SLC39A10: variants seen among roughly 807,000 people sequenced by gnomAD.
SLC39A10 encodes zinc transporter ZIP10.
In SLC39A10, 13 loss-of-function variants were observed where a neutral mutation model predicts 65.1. The ratio of observed to expected loss-of-function variants is 0.20; its 90% CI spans 0.13 to 0.32. SLC39A10 has a LOEUF of 0.32. SLC39A10 is among the 10% of genes least tolerant of loss of function. The probability of loss-of-function intolerance (pLI) is 1.00; values close to 1 mark genes in which losing one functional copy is unlikely to be tolerated. For missense variants in SLC39A10, 831 were observed against 1,018.4 expected, an observed-to-expected ratio of 0.82 and a Z score of 2.50; for synonymous variants, 321 against 342.2, an observed-to-expected ratio of 0.94 and a Z score of 0.68.
chr2:195,630,230 TGG>T (rs1193459892), intron 2 of SLC39A10, among the ~76,000 whole-genome samples: 1 of 151,634 alleles, frequency 6.6e-6, no homozygotes, highest in Non-Finnish European at 1.5e-5. Flanking sequence ...GCATTCAAGT[TGG>T]GGTTCCCACA....
intron 1 of SLC39A10, among the ~76,000 whole-genome samples, chr2:195,679,187 T>C (rs1465922647): frequency 2.6e-5 from 4 of 152,210 alleles, no homozygotes; most frequent in Non-Finnish European, 5.9e-5. Context: ...CACTTTATCA[T>C]TTTAGCATTT....
At chr2:195,674,630 C>G (rs1300187704) in intron 1 of SLC39A10, 1 of 985,174 alleles carries the variant, frequency 1.0e-6, no homozygotes, top group Non-Finnish European at 1.2e-6. Flanking sequence ...CCCCCATGTT[C>G]TGTGAGTATT....
chr2:195,647,343 G>A (rs1218437218), intron 2 of SLC39A10, among the ~76,000 whole-genome samples: 1 of 151,824 alleles, frequency 6.6e-6, no homozygotes, highest in African/African-American at 2.4e-5. Flanking sequence ...TGCCCTCAGG[G>A]TAGCATTCAG....
At chr2:195,659,617 T>G (rs1689303796) in intron 1 of SLC39A10, among the ~76,000 whole-genome samples, 1 of 152,002 alleles carries the variant, frequency 6.6e-6, no homozygotes, top group East Asian at 1.9e-4. Flanking sequence ...GGCTTTGGAG[T>G]GAAATTTTAA....
intron 1 of SLC39A10, among the ~76,000 whole-genome samples, chr2:195,661,125 A>G (rs1190734321): frequency 1.3e-5 from 2 of 152,212 alleles, no homozygotes; most frequent in African/African-American, 4.8e-5. Context: ...AAGGCAATGA[A>G]CAGATAACAT....
rs561717991 is a variant in SLC39A10 at position 195,631,414 on chromosome 2, T to C, written c.-12+25181T>C. 2.0e-5 allele frequency among the ~76,000 whole-genome samples: 3 copies of C among 152,148 alleles called. No individual in the cohort carries two copies. The South Asian group carries it at 6.2e-4, about 32-fold the overall frequency. ...TAATTCATTTAACCATAATGTAGAG[T>C]TGTTGATAACCACCCATTTTTTCTG... On this transcript the variant is annotated intron_variant, in intron 2 of 2. Transcript: ENST00000458054.
chr2:195,639,639 A>G (rs564278892), intron 2 of SLC39A10, among the ~76,000 whole-genome samples: 1 of 152,288 alleles, frequency 6.6e-6, no homozygotes, highest in African/African-American at 2.4e-5. Flanking sequence ...GCTGGAGTGC[A>G]GTGACGCAAT....
At chr2:195,661,897 T>C (rs1042936534) in intron 1 of SLC39A10, among the ~76,000 whole-genome samples, 2 of 152,192 alleles carry the variant, frequency 1.3e-5, no homozygotes, top group African/African-American at 4.8e-5. Context: ...TGTTTTATAA[T>C]TACTCATTTT....
chr2:195,671,209 A>G (rs1030369342), intron 1 of SLC39A10, among the ~76,000 whole-genome samples: 2 of 152,214 alleles, frequency 1.3e-5, no homozygotes, highest in African/African-American at 4.8e-5. Flanking sequence ...TTGCATTCAA[A>G]ATAGTATAAT....
chr2:195,736,880 A>C lies in SLC39A10; in HGVS notation c.*1839A>C, dbSNP rs1306603836. 6.6e-6 allele frequency: 1 copy of C among 151,762 alleles called. No homozygotes were observed. Among genetic ancestry groups the C allele is most frequent in the South Asian group, 2.1e-4 (1 of 4,808 alleles). The allele number at this position is 151,762 out of a possible 1,614,324, so 9.4% of individuals were successfully genotyped here. A position where few individuals can be genotyped will look rare whatever the true frequency, so the allele number is the denominator to read the frequency against. ...GTACTGCCAACTTCAAGTGATTTAG[A>C]TATCTATCTATCTAGATTTCTGAAC... On this transcript the variant is annotated 3_prime_UTR_variant, in exon 10 of 10. Coordinates refer to ENST00000359634, the MANE Select transcript of SLC39A10 (RefSeq NM_020342.3).
intron 2 of SLC39A10, among the ~76,000 whole-genome samples, chr2:195,618,816 G>A (rs1688283661): frequency 6.6e-6 from 1 of 152,186 alleles, no homozygotes; most frequent in African/African-American, 2.4e-5. Context: ...AAAGAGGTCA[G>A]GTGCGGTGGC....
intron 2 of SLC39A10, among the ~76,000 whole-genome samples, chr2:195,683,170 G>GT (rs1296491362): frequency 1.5e-5 from 2 of 137,630 alleles, no homozygotes; most frequent in African/African-American, 5.3e-5. Flanking sequence ...TTTTTTGTTT[G>GT]TTTTTAAAGT....
chr2:195,727,967 A>G (rs1692305529), intron 8 of SLC39A10, among the ~76,000 whole-genome samples, 192 bp from the exon 9 acceptor site: 1 of 152,188 alleles, frequency 6.6e-6, no homozygotes, highest in African/African-American at 2.4e-5. Context: ...ATCTTTCAGT[A>G]TCATGCCTTT....
At chr2:195,668,565 G>T (rs922661304) in intron 1 of SLC39A10, among the ~76,000 whole-genome samples, 1 of 152,200 alleles carries the variant, frequency 6.6e-6, no homozygotes, top group African/African-American at 2.4e-5. Flanking sequence ...TTGTGTGCAT[G>T]TGCACATGTG....
intron 2 of SLC39A10, among the ~76,000 whole-genome samples, chr2:195,637,162 A>T (rs561929181): frequency 2.4e-4 from 36 of 152,312 alleles, no homozygotes; most frequent in African/African-American, 7.7e-4. Flanking sequence ...CTCTTGGAAA[A>T]TGTTGAGAAA....
chr2:195,635,926 C>G (rs966486884), intron 2 of SLC39A10, among the ~76,000 whole-genome samples: 2 of 152,112 alleles, frequency 1.3e-5, no homozygotes, highest in African/African-American at 4.8e-5. Context: ...ATCTGCATAA[C>G]TCAGTGAACC....
At chr2:195,661,105 C>T (rs939122813) in intron 1 of SLC39A10, among the ~76,000 whole-genome samples, 4 of 151,988 alleles carry the variant, frequency 2.6e-5, no homozygotes, top group African/African-American at 9.7e-5. Context: ...ACACAATATA[C>T]CACTACACAA....
At chr2:195,638,427 C>T (rs978918909) in intron 2 of SLC39A10, among the ~76,000 whole-genome samples, 3 of 152,084 alleles carry the variant, frequency 2.0e-5, no homozygotes, top group African/African-American at 4.8e-5. Flanking sequence ...GCAGCCTCCA[C>T]CTCCCAGGTT....
rs1053911526 is a variant in SLC39A10 at position 195,629,117 on chromosome 2, G to A, written c.-12+22884G>A. ...CTCAAGAGTTATCCTTGCCGGGCAC[G>A]GTGGCTTACCCCTGTAATCCCAGCA... On this transcript the variant is annotated intron_variant, in intron 2 of 2. Transcript: ENST00000458054. Among the ~76,000 whole-genome samples, 5 of 152,028 alleles carry A rather than the reference G, an allele frequency of 3.3e-5. No homozygotes were observed. In the South Asian group the frequency reaches 6.2e-4, roughly 19 times the overall value.
Sources: allele counts gnomAD v4.1 joint callset (sites outside exome capture counted in the v4.1 genomes callset), GRCh38; gene constraint gnomAD v4.1.1; transcripts MANE v1.5; gene names NCBI Gene and HGNC (gene_info 2026-07-23, HGNC 2026-07-21).